The following CAST variants were observed in gnomAD, a reference collection of about 807,000 sequenced individuals.
The protein encoded by CAST is MIR583 host.
In CAST, 76 loss-of-function variants were observed where a neutral mutation model predicts 119.6. The observed-to-expected ratio is 0.64, with a 90% CI of 0.53 to 0.77. CAST has a LOEUF of 0.77. CAST is among the 30% of genes least tolerant of loss of function. The pLI is 0.00. For missense variants in CAST, 953 were observed against 946.5 expected, an observed-to-expected ratio of 1.01 and a Z score of -0.09; for synonymous variants, 319 against 331.6, an observed-to-expected ratio of 0.96 and a Z score of 0.41.
At chr5:96,178,772 C>T in the CAST span, among the ~76,000 whole-genome samples, 2 of 152,152 alleles carry the variant, frequency 1.3e-5, no homozygotes, top group African/African-American at 4.8e-5. Flanking sequence ...TAGACAATCC[C>T]AGCATGGTAC....
chr5:96,684,312 T>C (rs1240883606), intron 2 of CAST, among the ~76,000 whole-genome samples: 1 of 152,226 alleles, frequency 6.6e-6, no homozygotes, highest in East Asian at 1.9e-4. Flanking sequence ...TTATTGGTGT[T>C]ACTTTATTAT....
chr5:96,183,159 A>AT, the CAST span, among the ~76,000 whole-genome samples: 44 of 92,376 alleles, frequency 4.8e-4, 1 homozygote, highest in African/African-American at 2.2e-3. Flanking sequence ...AAAAATAAAT[A>AT]AAATAATAAT....
At chr5:96,107,124 C>G in the CAST span, among the ~76,000 whole-genome samples, 1 of 150,550 alleles carries the variant, frequency 6.6e-6, no homozygotes, top group Non-Finnish European at 1.5e-5. Flanking sequence ...TGTCTCTGCA[C>G]GTGAGATGGG....
the CAST span, among the ~76,000 whole-genome samples, chr5:96,162,128 G>T: frequency 6.6e-6 from 1 of 152,128 alleles, no homozygotes; most frequent in Middle Eastern, 3.4e-3. Context: ...AATTGTTCTG[G>T]CTAGAACCTC....
chr5:96,551,878 T>C (rs764093341), intron 1 of CAST, among the ~76,000 whole-genome samples: 5 of 152,114 alleles, frequency 3.3e-5, no homozygotes, highest in Non-Finnish European at 5.9e-5. Flanking sequence ...CTATCCTAAA[T>C]ATATATGCAC....
At chr5:96,226,105 T>C in the CAST span, among the ~76,000 whole-genome samples, 3 of 152,194 alleles carry the variant, frequency 2.0e-5, no homozygotes, top group Non-Finnish European at 4.4e-5. Context: ...AGTGTCAATA[T>C]GAGCATTTCC....
chr5:96,546,296 A>G (rs1045455493), intron 1 of CAST: 3 of 152,252 alleles, frequency 2.0e-5, no homozygotes, highest in Admixed American at 2.0e-4. Context: ...ACCCTAACCC[A>G]GGTTAAAAGG....
intron 1 of CAST, chr5:96,663,016 G>A (rs1396702952): frequency 1.3e-5 from 9 of 685,702 alleles, no homozygotes; most frequent in Non-Finnish European, 5.3e-6. Context: ...CTTGGGATGT[G>A]CGGAGCTCAG....
chr5:96,221,938 ACC>A, the CAST span, among the ~76,000 whole-genome samples: 6 of 152,096 alleles, frequency 3.9e-5, no homozygotes, highest in African/African-American at 1.4e-4. Flanking sequence ...AGAATAGAGC[ACC>A]CAGAAATAAA....
the CAST span, among the ~76,000 whole-genome samples, chr5:96,461,658 G>T: frequency 2.6e-5 from 4 of 151,974 alleles, no homozygotes; most frequent in Admixed American, 2.6e-4. Flanking sequence ...CATCTGATCC[G>T]TGTTATTTGA....
the CAST span, among the ~76,000 whole-genome samples, chr5:96,446,949 A>T: frequency 6.6e-6 from 1 of 152,160 alleles, no homozygotes; most frequent in Admixed American, 6.5e-5. Context: ...GGGATTTGGG[A>T]GGAAAGGTAG....
intron 1 of CAST, among the ~76,000 whole-genome samples, chr5:96,560,145 C>T (rs1580824739): frequency 6.6e-6 from 1 of 151,978 alleles, no homozygotes; most frequent in African/African-American, 2.4e-5. Flanking sequence ...GGAAAACTGG[C>T]TAGCCATATG....
At chr5:96,412,320 G>T in the CAST span, 2 of 1,613,854 alleles carry the variant, frequency 1.2e-6, no homozygotes, top group East Asian at 2.2e-5. Context: ...CATCTTACCT[G>T]TTTGACACCA....
chr5:96,104,494 C>G, the CAST span, among the ~76,000 whole-genome samples: 1 of 152,014 alleles, frequency 6.6e-6, no homozygotes, highest in African/African-American at 2.4e-5. Context: ...AATAGGGAAT[C>G]CTTTCCCCAT....
At chr5:96,655,809 G>A (rs1409795019) in intron 1 of CAST, among the ~76,000 whole-genome samples, 1 of 152,234 alleles carries the variant, frequency 6.6e-6, no homozygotes, top group Non-Finnish European at 1.5e-5. Context: ...TGCTGCCACT[G>A]TTAACATTCT....
the CAST span, among the ~76,000 whole-genome samples, chr5:96,366,366 T>C: frequency 5.9e-5 from 9 of 152,332 alleles, no homozygotes; most frequent in East Asian, 1.7e-3. Context: ...TGAATTTGAA[T>C]GTTGGCCTGC....
intron 3 of CAST, among the ~76,000 whole-genome samples, chr5:96,720,728 C>T (rs1031767371): frequency 2.4e-4 from 37 of 152,344 alleles, no homozygotes; most frequent in African/African-American, 8.7e-4. Flanking sequence ...TTGAGGATCA[C>T]TTCAAGGTAT....
At chr5:96,053,676 G>A in the CAST span, among the ~76,000 whole-genome samples, 1 of 152,154 alleles carries the variant, frequency 6.6e-6, no homozygotes, top group Non-Finnish European at 1.5e-5. Flanking sequence ...ACTTTTCACA[G>A]ATACATTTCA....
chr5:96,445,102 A>T, the CAST span, among the ~76,000 whole-genome samples: 1 of 152,206 alleles, frequency 6.6e-6, no homozygotes, highest in Non-Finnish European at 1.5e-5. Flanking sequence ...AAAGGACAAG[A>T]ACCCTGAGGA....
Sources: allele counts gnomAD v4.1 joint callset (sites outside exome capture counted in the v4.1 genomes callset), GRCh38; gene constraint gnomAD v4.1.1; transcripts MANE v1.5; gene names NCBI Gene and HGNC (gene_info 2026-07-23, HGNC 2026-07-21).